RBM47: variants seen among roughly 807,000 people sequenced by gnomAD.
RBM47 encodes RNA binding motif protein 47, also known as RNA-binding protein 47.
RBM47 carries 21 observed loss-of-function variants against 47.1 expected under a neutral mutation model. The observed-to-expected ratio is 0.45, with a 90% CI of 0.32 to 0.64. The LOEUF (loss-of-function observed/expected upper bound fraction) is 0.64. RBM47 is among the 30% of genes least tolerant of loss of function. RBM47 has a pLI of 0.05. For synonymous variants in RBM47, 375 were observed against 361.7 expected, an observed-to-expected ratio of 1.04 and a Z score of -0.42; for missense variants, 708 against 870.9, an observed-to-expected ratio of 0.81 and a Z score of 2.35.
intron 2 of RBM47, among the ~76,000 whole-genome samples, chr4:40,473,935 A>T (rs541434062): frequency 6.6e-6 from 1 of 152,336 alleles, no homozygotes; most frequent in South Asian, 2.1e-4. Context: ...ATCTTTACAT[A>T]TGATTCACAG....
At chr4:40,609,144 C>T (rs540456289) in intron 1 of RBM47, among the ~76,000 whole-genome samples, 1 of 152,026 alleles carries the variant, frequency 6.6e-6, no homozygotes, top group Non-Finnish European at 1.5e-5. Context: ...AGGTGCCCAC[C>T]ACCACGTCCA....
intron 5 of RBM47, among the ~76,000 whole-genome samples, chr4:40,433,198 C>T (rs996927992): frequency 3.9e-5 from 6 of 152,046 alleles, no homozygotes; most frequent in African/African-American, 7.2e-5. Flanking sequence ...TGAGCTCAAG[C>T]GATCCAACTG....
At chr4:40,571,524 C>A (rs1014019856) in intron 1 of RBM47, among the ~76,000 whole-genome samples, 8 of 152,014 alleles carry the variant, frequency 5.3e-5, no homozygotes, top group African/African-American at 1.9e-4. Flanking sequence ...ATAGGAGAAT[C>A]TTTTATAATC....
At chr4:40,520,168 T>G (rs1412581135) in intron 2 of RBM47, among the ~76,000 whole-genome samples, 1 of 152,132 alleles carries the variant, frequency 6.6e-6, no homozygotes, top group Non-Finnish European at 1.5e-5. Context: ...ACCCTGTAGG[T>G]TGTATTAGAA....
chr4:40,629,231 C>T (rs1738009866), intron 1 of RBM47, among the ~76,000 whole-genome samples, 165 bp downstream of exon 1: 1 of 152,106 alleles, frequency 6.6e-6, no homozygotes, highest in African/African-American at 2.4e-5. Context: ...GTTTTATAAA[C>T]CCTTTATTTC....
At chr4:40,526,191 A>G (rs1726688537) in intron 2 of RBM47, among the ~76,000 whole-genome samples, 1 of 152,186 alleles carries the variant, frequency 6.6e-6, no homozygotes, top group Non-Finnish European at 1.5e-5. Flanking sequence ...CAGAACACAC[A>G]GACTCTGGAT....
At chr4:40,443,743 A>G (rs1159970897) in intron 3 of RBM47, among the ~76,000 whole-genome samples, 5 of 145,890 alleles carry the variant, frequency 3.4e-5, no homozygotes, top group Non-Finnish European at 7.5e-5. Context: ...AAAAAAAAAA[A>G]AAAAAAAAAG....
chr4:40,458,930 A>G (rs1050949019), intron 3 of RBM47, among the ~76,000 whole-genome samples: 2 of 152,166 alleles, frequency 1.3e-5, no homozygotes, highest in Non-Finnish European at 2.9e-5. Context: ...CATTGATATG[A>G]GTAGGAACCT....
intron 2 of RBM47, among the ~76,000 whole-genome samples, chr4:40,517,503 A>G (rs1012358439): frequency 6.6e-6 from 1 of 152,178 alleles, no homozygotes; most frequent in African/African-American, 2.4e-5. Context: ...CCAATGCCTT[A>G]CTGTTCAGAA....
At chr4:40,433,436 A>T (rs1278109241) in intron 5 of RBM47, among the ~76,000 whole-genome samples, 1 of 152,122 alleles carries the variant, frequency 6.6e-6, no homozygotes, top group Admixed American at 6.5e-5. Context: ...TTTTGCACCA[A>T]TATTTTCTAC....
intron 2 of RBM47, among the ~76,000 whole-genome samples, chr4:40,481,486 ATTTTTATTT>A (rs1376301733): frequency 9.4e-6 from 1 of 106,822 alleles, no homozygotes; most frequent in African/African-American, 3.6e-5. Context: ...TATTATTATT[ATTTTTATTT>A]TTATTTTTGA....
intron 2 of RBM47, among the ~76,000 whole-genome samples, chr4:40,473,367 G>A (rs761547410): frequency 6.6e-6 from 1 of 152,162 alleles, no homozygotes; most frequent in Non-Finnish European, 1.5e-5. Context: ...TCCAATTGCT[G>A]CTGCACTCCA....
intron 6 of RBM47, among the ~76,000 whole-genome samples, chr4:40,427,999 TG>T (rs1219068650): frequency 6.6e-6 from 1 of 152,206 alleles, no homozygotes; most frequent in Non-Finnish European, 1.5e-5. Flanking sequence ...GAGACCAGCC[TG>T]GGCAACATGG....
At chr4:40,592,257 CTTTTT>C (rs55974728) in intron 1 of RBM47, among the ~76,000 whole-genome samples, 1 of 139,340 alleles carries the variant, frequency 7.2e-6, no homozygotes. Flanking sequence ...TTTTCTTTTA[CTTTTT>C]TTTTTTTTTT....
chr4:40,609,642 T>C (rs578011974), intron 1 of RBM47, among the ~76,000 whole-genome samples: 5 of 152,124 alleles, frequency 3.3e-5, no homozygotes, highest in African/African-American at 1.2e-4. Context: ...TTAGCTTCCA[T>C]TTTTCTCTGC....
intron 1 of RBM47, among the ~76,000 whole-genome samples, chr4:40,593,146 G>A (rs62301869): frequency 2.0e-5 from 3 of 147,504 alleles, no homozygotes; most frequent in African/African-American, 5.0e-5. Flanking sequence ...AGGCGCCCGC[G>A]ACCACGCCAG....
chr4:40,510,201 A>AG (rs1724743554), intron 2 of RBM47, among the ~76,000 whole-genome samples: 1 of 151,338 alleles, frequency 6.6e-6, no homozygotes. Context: ...AAAAAAAAAA[A>AG]AAAAAAGTAA....
At chr4:40,555,387 T>G (rs967098330) in intron 1 of RBM47, among the ~76,000 whole-genome samples, 2 of 152,206 alleles carry the variant, frequency 1.3e-5, no homozygotes, top group African/African-American at 4.8e-5. Context: ...TAGTTTCTAA[T>G]GAGACTCTCT....
At chr4:40,470,813 A>G (rs1221322756) in intron 2 of RBM47, among the ~76,000 whole-genome samples, 4 of 152,086 alleles carry the variant, frequency 2.6e-5, no homozygotes, top group Non-Finnish European at 4.4e-5. Context: ...CGTGATCTTG[A>G]ATCGCTGCAG....
Sources: gnomAD v4.1 joint callset for allele counts (sites outside exome capture counted in the v4.1 genomes callset) on GRCh38, gnomAD v4.1.1 for gene constraint, MANE v1.5 for transcripts, NCBI Gene and HGNC (gene_info 2026-07-23, HGNC 2026-07-21) for gene names.